Variants in ANK1 observed in about 807,000 individuals in gnomAD.
ANK1 encodes ankyrin 1.
A neutral mutation model predicts 210.4 loss-of-function variants in ANK1; 51 were observed. The ratio of observed to expected loss-of-function variants is 0.24; its 90% CI spans 0.19 to 0.31. The LOEUF is 0.31. Ranked by LOEUF, ANK1 falls within the 10% of genes least tolerant of loss-of-function variation. The probability of loss-of-function intolerance (pLI) is 1.00; values close to 1 mark genes in which losing one functional copy is unlikely to be tolerated. For missense variants in ANK1, 2,051 were observed against 2,504.4 expected (o/e 0.82, Z 3.86); for synonymous variants, 967 against 1,025.9 (o/e 0.94, Z 1.10).
chr8:41,799,620 C>T (rs1489456240), upstream of ANK1, among the ~76,000 whole-genome samples: 1 of 152,182 alleles, frequency 6.6e-6, no homozygotes, highest in Non-Finnish European at 1.5e-5. Context: ...CTGCTAGTTC[C>T]TTGTGCAGTG....
At chr8:41,820,668 G>T (rs1804107522) in intron 1 of ANK1, among the ~76,000 whole-genome samples, 1 of 152,154 alleles carries the variant, frequency 6.6e-6, no homozygotes, top group Admixed American at 6.5e-5. Flanking sequence ...CAACTGTAGG[G>T]AAGCAAAACA....
At chr8:41,847,784 A>T (rs1810343929) in intron 1 of ANK1, among the ~76,000 whole-genome samples, 1 of 152,178 alleles carries the variant, frequency 6.6e-6, no homozygotes, top group South Asian at 2.1e-4. Context: ...CAGAGCTGGC[A>T]GTGTGATGTG....
intron 1 of ANK1, among the ~76,000 whole-genome samples, chr8:41,825,822 A>G (rs1287435274): frequency 6.6e-6 from 1 of 152,132 alleles, no homozygotes; most frequent in Non-Finnish European, 1.5e-5. Context: ...GGTTCTATAA[A>G]GGGGAGTTCC....
chr8:41,669,148 G>A (rs775331826), intron 38 of ANK1, among the ~76,000 whole-genome samples: 1 of 151,166 alleles, frequency 6.6e-6, no homozygotes, highest in Non-Finnish European at 1.5e-5. Flanking sequence ...AGACCTCACC[G>A]CTGTCCACAT....
intron 1 of ANK1, among the ~76,000 whole-genome samples, chr8:41,858,003 G>A (rs1192383069): frequency 6.6e-6 from 1 of 152,144 alleles, no homozygotes; most frequent in African/African-American, 2.4e-5. Flanking sequence ...CATAGCAGGA[G>A]GATCACTTCA....
At chr8:41,683,463 C>A (rs1816744901) in intron 37 of ANK1, among the ~76,000 whole-genome samples, 1 of 152,188 alleles carries the variant, frequency 6.6e-6, no homozygotes, top group Non-Finnish European at 1.5e-5. Context: ...TCGCCCTCAG[C>A]CGCGCCCCCA....
At chr8:41,776,461 C>T (rs1185347334) in intron 1 of ANK1, among the ~76,000 whole-genome samples, 1 of 152,112 alleles carries the variant, frequency 6.6e-6, no homozygotes, top group East Asian at 1.9e-4. Context: ...ACAGTAACAT[C>T]GTCATGTAAC....
chr8:41,730,199 C>G (rs1031957329), intron 3 of ANK1, among the ~76,000 whole-genome samples: 1 of 152,156 alleles, frequency 6.6e-6, no homozygotes, highest in Non-Finnish European at 1.5e-5. Flanking sequence ...GTGTGGCCCC[C>G]CAGCCGCTGC....
intron 40 of ANK1, among the ~76,000 whole-genome samples, chr8:41,663,138 G>GTGTA (rs1175336023): frequency 2.0e-5 from 3 of 151,740 alleles, no homozygotes; most frequent in African/African-American, 7.3e-5. Flanking sequence ...GTGTGTGTGT[G>GTGTA]TGTATTTATT....
intron 22 of ANK1, chr8:41,700,416 G>A (rs761942392): frequency 1.2e-6 from 2 of 1,612,876 alleles, no homozygotes; most frequent in Non-Finnish European, 1.7e-6. Flanking sequence ...ACAGTAAACA[G>A]AAAGCATTTC....
chr8:41,885,789 GTC>G (rs1238908162), intron 1 of ANK1, among the ~76,000 whole-genome samples: 3 of 152,220 alleles, frequency 2.0e-5, no homozygotes, highest in Admixed American at 2.0e-4. Flanking sequence ...AGAATCTAGT[GTC>G]TCCATAAATT....
In ANK1 at chr8:41,654,939, G is replaced by C. The variant is rs1479093348; in HGVS notation, c.*851C>G. 1 of 152,612 alleles carries C rather than the reference G, an allele frequency of 6.6e-6. No individual in the cohort carries two copies. The highest frequency in any genetic ancestry group is 6.5e-5 in the Admixed American group (1 of 15,276). The allele number at this position is 152,612 out of a possible 1,614,324, so 9.5% of individuals were successfully genotyped here. A position where few individuals can be genotyped will look rare whatever the true frequency, so the allele number is the denominator to read the frequency against. On this transcript the variant is annotated 3_prime_UTR_variant, in exon 43 of 43. Transcript: ENST00000289734. ...GGTAAGCCTGGGGGTCCTCGCCTCA[G>C]ATTCTTAAGTCCCTAACACAAGGAA...
rs1818355979 is a variant in ANK1, at chr8:41,688,606, G to C, written c.4105-17C>G. The stretch of plus-strand genomic sequence containing the variant: ...TCCACTTCCCTGCAGAAGAAGAAAG[G>C]GTGCTTTGGGTTTTGGACTCTCCCC... On this transcript the variant is annotated splice_polypyrimidine_tract_variant and intron_variant, in intron 33 of 42. Transcript: ENST00000289734. The C allele has an allele frequency of 6.2e-7, 1 of 1,612,588 alleles. No homozygotes were observed.
chr8:41,684,671 G>A lies in ANK1; in HGVS notation c.4410C>T (p.Ala1470=), dbSNP rs753691365. The change falls in exon 37 of 43, where the codon GCC becomes GCT. Residue 1470 remains alanine (A), a synonymous_variant. Transcript: ENST00000289734. ...QNANMENLYT[A]LQSIDRGEIV... is the part of the protein sequence containing the mutation. The stretch of plus-strand genomic sequence containing the variant: ...TCTCGCCACGGTCAATGCTCTGCAG[G>A]GCTGTGTACAGATTCTCCACTGTGG... The A allele has an allele frequency of 5.0e-6, 8 of 1,613,932 alleles. No individual in the cohort carries two copies. The South Asian group carries it at 6.6e-5, about 13-fold the overall frequency.
chr8:41,678,813 C>T (rs764437919), intron 37 of ANK1, among the ~76,000 whole-genome samples: 3 of 152,162 alleles, frequency 2.0e-5, no homozygotes, highest in Non-Finnish European at 4.4e-5. Context: ...GACAGAGTCT[C>T]GCTTTTGTTG....
intron 1 of ANK1, among the ~76,000 whole-genome samples, chr8:41,810,520 C>T (rs984656449): frequency 1.1e-4 from 16 of 152,186 alleles, no homozygotes; most frequent in East Asian, 7.7e-4. Flanking sequence ...GCCCTACAGC[C>T]GTGCAAAGGC....
intron 1 of ANK1, among the ~76,000 whole-genome samples, chr8:41,805,900 G>A (rs1850900099): frequency 6.6e-6 from 1 of 152,198 alleles, no homozygotes; most frequent in Non-Finnish European, 1.5e-5. Flanking sequence ...TTGGAAAAAG[G>A]AGGAGTATTT....
At chr8:41,676,105 G>A (rs1383578374) in intron 37 of ANK1, among the ~76,000 whole-genome samples, 2 of 152,100 alleles carry the variant, frequency 1.3e-5, no homozygotes, top group African/African-American at 4.8e-5. Context: ...TTTTCTCTTG[G>A]GTAAATAGCT....
chr8:41,894,102 C>T (rs1728493063), intron 1 of ANK1, among the ~76,000 whole-genome samples: 1 of 152,158 alleles, frequency 6.6e-6, no homozygotes, highest in African/African-American at 2.4e-5. Flanking sequence ...GCTGAGAAAA[C>T]TCACAGCCCT....
Sources: gnomAD v4.1 joint callset for allele counts (sites outside exome capture counted in the v4.1 genomes callset) on GRCh38, gnomAD v4.1.1 for gene constraint, MANE v1.5 for transcripts, NCBI Gene and HGNC (gene_info 2026-07-23, HGNC 2026-07-21) for gene names.